TAS2R14: variants seen among roughly 807,000 people sequenced by gnomAD.
The protein encoded by TAS2R14 is taste receptor type 2 member 14.
For synonymous variants in TAS2R14, 131 were observed against 131.0 expected (o/e 1.00, Z 0.00); for missense variants, 383 against 372.0 (o/e 1.03, Z -0.24).
chr12:10,938,754 T>G lies in TAS2R14; in HGVS notation c.454A>C (p.Ile152Leu), dbSNP rs1950338594. The change falls in exon 1 of 1, where the codon ATA becomes CTA. Residue 152 changes from isoleucine to leucine, a missense_variant. Ile to Leu is a conservative substitution (Grantham distance 5). Coordinates refer to ENST00000537503, the Ensembl canonical transcript of TAS2R14. ...CTGTATCCATTGATACTGGCATTTA[T>G]ATGGATGTTTATCAGTGCAATATTT... 4 of 1,613,746 alleles carry G rather than the reference T, an allele frequency of 2.5e-6. No individual in the cohort carries two copies. In the African/African-American group the frequency reaches 5.3e-5, roughly 22 times the overall value.
chr12:10,939,164 A>G, exon 1 of TAS2R14: 1 of 1,599,906 alleles, frequency 6.3e-7, no homozygotes, highest in Non-Finnish European at 8.5e-7. Flanking sequence ...TATAAATTCC[A>G]CAATTAAAAC....
rs777457158 is a variant in TAS2R14, at chr12:10,938,856, TAG to T, written n.493-281_493-280del. 54 of 1,613,544 alleles carry T rather than the reference TAG, an allele frequency of 3.3e-5. No individual in the cohort carries two copies. In the African/African-American group the frequency reaches 6.1e-4, roughly 18 times the overall value. On this transcript the variant is annotated intron_variant and non_coding_transcript_variant, in intron 4 of 4. Coordinates refer to the TAS2R14 transcript ENST00000381852. ...ACCCTCCACTTTAGGTAGAGAAAAA[TAG>T]AGTTAGAAAAATTGGCTATCTTGAG...
exon 1 of TAS2R14, chr12:10,938,819 A>G (rs746098263): frequency 1.9e-6 from 3 of 1,613,486 alleles, no homozygotes; most frequent in Admixed American, 3.3e-5. Context: ...CAGCACCAAA[A>G]CCACCTTTTT....
chr12:10,937,853 T>C (rs1047179540), exon 1 of TAS2R14: 1 of 156,348 alleles, frequency 6.4e-6, no homozygotes, highest in African/African-American at 2.4e-5. Context: ...AAACACTTAA[T>C]ATAGGTACTA....
exon 1 of TAS2R14, chr12:10,938,795 G>A (rs758340538): frequency 1.1e-5 from 18 of 1,613,140 alleles, no homozygotes; most frequent in South Asian, 8.8e-5. Context: ...CAAGAAGACC[G>A]AAGTCACAAG....
chr12:10,938,763 T>C (rs1051248247), exon 1 of TAS2R14: 1 of 1,613,866 alleles, frequency 6.2e-7, no homozygotes, highest in Middle Eastern at 1.7e-4. Context: ...ATATGGATGT[T>C]TATCAGTGCA....
At chr12:10,938,368 C>T in exon 1 of TAS2R14, 1 of 1,614,004 alleles carries the variant, frequency 6.2e-7, no homozygotes, top group East Asian at 2.2e-5. Flanking sequence ...TTCCAAGAAT[C>T]AGAACACATG....
exon 5 of TAS2R14, chr12:10,938,332 C>CA (rs1950324740): frequency 6.2e-7 from 1 of 1,614,010 alleles, no homozygotes; most frequent in Non-Finnish European, 8.5e-7. Context: ...GTAGCACTGA[C>CA]AGAGAGGCCT....
At chr12:10,938,582 C>A in exon 1 of TAS2R14, 2 of 1,613,802 alleles carry the variant, frequency 1.2e-6, no homozygotes, top group South Asian at 1.1e-5. Context: ...CATCTTCTTG[C>A]GATGTTTCCA....
rs555536260 is a variant in TAS2R14, at chr12:10,938,879, T to A, written c.329A>T (p.Lys110Met). The A allele has an allele frequency of 3.7e-6, 6 of 1,613,738 alleles. No homozygotes were observed. The Admixed American group carries it at 1.0e-4, about 27-fold the overall frequency. Reference sequence around the variant, plus strand: ...AATAGAGTTAGAAAAATTGGCTATCTTGAGAAAATAAAAAGTACCGAGGCC... The same window carrying A: ...AATAGAGTTAGAAAAATTGGCTATCATGAGAAAATAAAAAGTACCGAGGCC... The change falls in exon 1 of 1, where the codon AAG (lysine) becomes ATG (methionine). Residue 110 changes from lysine to methionine, a missense_variant. By Grantham distance (95) the Lys-to-Met change is moderately conservative. Transcript: ENST00000537503.
At chr12:10,937,512 G>A (rs1950308457) in exon 1 of TAS2R14, 1 of 152,044 alleles carries the variant, frequency 6.6e-6, no homozygotes, top group Non-Finnish European at 1.5e-5. Context: ...CAAAGCTAGA[G>A]TCAGTATTAC....
At chr12:10,938,306 A>T in exon 1 of TAS2R14, 1 of 1,613,650 alleles carries the variant, frequency 6.2e-7, no homozygotes, top group Non-Finnish European at 8.5e-7. Flanking sequence ...ATCTTTGAAC[A>T]TGTACCTCAG....
exon 1 of TAS2R14, chr12:10,938,607 G>A (rs35804287): frequency 0.017 from 26,993 of 1,613,846 alleles, 317 homozygotes; most frequent in Non-Finnish European, 0.018. Context: ...GAGAAGATGA[G>A]GAGAAGAAAC....
exon 1 of TAS2R14, chr12:10,938,046 T>A (rs1289352250): frequency 1.8e-5 from 8 of 444,938 alleles, no homozygotes; most frequent in South Asian, 1.7e-4. Context: ...TCTGTTTGTA[T>A]AAGAACTCTT....
Position 10,937,945 on chromosome 12 carries a change from T to C in TAS2R14, c.*309A>G, listed in dbSNP as rs371777974. The C allele has an allele frequency of 9.8e-5, 21 of 214,762 alleles. No homozygotes were observed. The East Asian group carries it at 2.0e-3, about 20-fold the overall frequency. 13.3% of individuals were successfully genotyped at this position (214,762 alleles called of 1,614,324 possible). The stretch of plus-strand genomic sequence containing the variant: ...GCCTATTTTTAGTAACTGTGTCACA[T>C]ACATACATACACACATGTATTTTAT... On this transcript the variant is annotated 3_prime_UTR_variant, in exon 1 of 1. Coordinates refer to ENST00000537503, the Ensembl canonical transcript of TAS2R14.
exon 1 of TAS2R14, chr12:10,938,234 C>G (rs1950322057): frequency 6.8e-7 from 1 of 1,469,202 alleles, no homozygotes; most frequent in Non-Finnish European, 9.2e-7. Context: ...TTCTTAGGAG[C>G]TATTTTTTTT....
exon 1 of TAS2R14, chr12:10,938,450 G>A (rs1950328192): frequency 1.4e-5 from 23 of 1,613,968 alleles, no homozygotes; most frequent in Non-Finnish European, 1.9e-5. Flanking sequence ...CCTTTCAGAG[G>A]TCCAAACTGA....
At chr12:10,937,411 A>G (rs1166619644) in exon 1 of TAS2R14, 1 of 152,138 alleles carries the variant, frequency 6.6e-6, no homozygotes, top group Non-Finnish European at 1.5e-5. Context: ...AAAATTTGAT[A>G]GTTTTTAACA....
At chr12:10,939,205 C>T in exon 1 of TAS2R14, 2 of 1,545,198 alleles carry the variant, frequency 1.3e-6, no homozygotes, top group South Asian at 1.2e-5. Context: ...TGACACCACC[C>T]ATTGCCTGTA....
Sources: allele counts gnomAD v4.1 joint callset, GRCh38; gene constraint gnomAD v4.1.1; transcripts MANE v1.5; gene names NCBI Gene and HGNC (gene_info 2026-07-23, HGNC 2026-07-21).